The following MAF variants were observed in gnomAD, a reference collection of about 807,000 sequenced individuals.
MAF encodes MAF bZIP transcription factor, also known as transcription factor Maf.
In MAF, 10 loss-of-function variants were observed where a neutral mutation model predicts 22.0. The observed-to-expected ratio is 0.45, with a 90% CI of 0.28 to 0.77. The LOEUF is 0.77. Ranked by LOEUF, MAF falls within the 30% of genes least tolerant of loss-of-function variation. The pLI is 0.12. For missense variants in MAF, 544 were observed against 548.4 expected, an observed-to-expected ratio of 0.99 and a Z score of 0.08; for synonymous variants, 337 against 255.8, an observed-to-expected ratio of 1.32 and a Z score of -3.03.
At chr16:79,517,299 T>A in the MAF span, among the ~76,000 whole-genome samples, 1 of 152,202 alleles carries the variant, frequency 6.6e-6, no homozygotes, top group East Asian at 1.9e-4. Context: ...GGGAAACATG[T>A]GGAGACAAAC....
the MAF span, among the ~76,000 whole-genome samples, chr16:79,292,810 G>A: frequency 9.2e-5 from 14 of 152,158 alleles, no homozygotes; most frequent in Admixed American, 5.9e-4. Flanking sequence ...ACCTCTGGTC[G>A]TCCTCACTGC....
chr16:79,235,874 G>T, the MAF span, among the ~76,000 whole-genome samples: 115 of 152,174 alleles, frequency 7.6e-4, 1 homozygote, highest in Admixed American at 1.0e-3. Context: ...GAATTCAGAA[G>T]CAAGAGGAAG....
At chr16:79,526,480 T>C in the MAF span, among the ~76,000 whole-genome samples, 2 of 152,138 alleles carry the variant, frequency 1.3e-5, no homozygotes, top group South Asian at 4.1e-4. Flanking sequence ...TGCAGCCCGG[T>C]TCCTTAAAGG....
chr16:79,497,142 C>T, the MAF span, among the ~76,000 whole-genome samples: 9 of 152,222 alleles, frequency 5.9e-5, no homozygotes, highest in Non-Finnish European at 1.3e-4. Flanking sequence ...AATGGTGGCA[C>T]ATAAATTCTC....
the MAF span, among the ~76,000 whole-genome samples, chr16:79,560,981 G>GCT: frequency 1.3e-5 from 2 of 152,166 alleles, no homozygotes; most frequent in African/African-American, 4.8e-5. Context: ...TTGCCTAGGG[G>GCT]ATTTCATCCA....
At chr16:79,326,022 T>G in the MAF span, among the ~76,000 whole-genome samples, 1 of 152,240 alleles carries the variant, frequency 6.6e-6, no homozygotes, top group Non-Finnish European at 1.5e-5. Flanking sequence ...AACCAGGGTC[T>G]GACCACTGAC....
the MAF span, among the ~76,000 whole-genome samples, chr16:79,317,918 TCACTCAC>T: frequency 1.1e-4 from 1 of 8,698 alleles, no homozygotes; most frequent in Non-Finnish European, 1.5e-3. Flanking sequence ...ATTCATTCAC[TCACTCAC>T]TCACTCACTC....
At chr16:79,251,092 G>C in the MAF span, among the ~76,000 whole-genome samples, 2 of 152,088 alleles carry the variant, frequency 1.3e-5, no homozygotes, top group African/African-American at 4.8e-5. Flanking sequence ...CCGTTTCACA[G>C]GTGGAAACTG....
chr16:79,566,575 C>T, the MAF span, among the ~76,000 whole-genome samples: 5 of 152,332 alleles, frequency 3.3e-5, no homozygotes, highest in South Asian at 2.1e-4. Flanking sequence ...TCTGCACCCT[C>T]GTGGCCATTT....
the MAF span, among the ~76,000 whole-genome samples, chr16:79,388,890 A>C: frequency 1.3e-5 from 2 of 152,226 alleles, no homozygotes; most frequent in South Asian, 2.1e-4. Context: ...TAAAGCCAGA[A>C]CTCAGCTAGC....
the MAF span, among the ~76,000 whole-genome samples, chr16:79,441,329 C>A: frequency 7.4e-4 from 112 of 152,194 alleles, no homozygotes; most frequent in Non-Finnish European, 1.1e-3. Context: ...TCCTCTCTTA[C>A]ACACTTAAAA....
the MAF span, among the ~76,000 whole-genome samples, chr16:79,491,018 G>A: frequency 6.6e-6 from 1 of 152,160 alleles, no homozygotes; most frequent in Admixed American, 6.5e-5. Flanking sequence ...CAGAGAAAAT[G>A]GTGATGAGAA....
chr16:79,561,977 C>T, the MAF span, among the ~76,000 whole-genome samples: 1,383 of 152,252 alleles, frequency 9.1e-3, 29 homozygotes, highest in African/African-American at 0.032. Context: ...CAACATGAGC[C>T]GTTTGTCCCC....
chr16:79,542,302 G>A, the MAF span, among the ~76,000 whole-genome samples: 1 of 152,112 alleles, frequency 6.6e-6, no homozygotes, highest in African/African-American at 2.4e-5. Context: ...AGCCAGTGGT[G>A]GCCTCTCGCT....
the MAF span, among the ~76,000 whole-genome samples, chr16:79,492,384 C>A: frequency 6.6e-6 from 1 of 152,086 alleles, no homozygotes; most frequent in Non-Finnish European, 1.5e-5. Context: ...TGCAACGTAT[C>A]CGAATTTTAA....
At chr16:79,546,940 A>G in the MAF span, among the ~76,000 whole-genome samples, 2 of 152,192 alleles carry the variant, frequency 1.3e-5, no homozygotes, top group East Asian at 3.8e-4. Context: ...TAAGCCAAAT[A>G]TTAGGATATA....
At chr16:79,554,568 A>G in the MAF span, among the ~76,000 whole-genome samples, 87 of 152,330 alleles carry the variant, frequency 5.7e-4, no homozygotes, top group African/African-American at 2.0e-3. Flanking sequence ...CAGGTGGATG[A>G]GGACATTTGC....
the MAF span, among the ~76,000 whole-genome samples, chr16:79,321,980 C>G: frequency 1.3e-5 from 2 of 152,168 alleles, no homozygotes; most frequent in East Asian, 3.9e-4. Context: ...ACCTGTAGTC[C>G]CAGCACTTTG....
the MAF span, among the ~76,000 whole-genome samples, chr16:79,425,459 G>A: frequency 6.6e-6 from 1 of 152,170 alleles, no homozygotes. Flanking sequence ...CAGTGTTCAG[G>A]GCAGGAGGTT....
Sources: gnomAD v4.1 joint callset for allele counts (sites outside exome capture counted in the v4.1 genomes callset) on GRCh38, gnomAD v4.1.1 for gene constraint, MANE v1.5 for transcripts, NCBI Gene and HGNC (gene_info 2026-07-23, HGNC 2026-07-21) for gene names.